PRKCA: variants seen among roughly 807,000 people sequenced by gnomAD.
PRKCA encodes the protein protein kinase C alpha type.
In PRKCA, 27 loss-of-function variants were observed where a neutral mutation model predicts 87.0. The observed-to-expected ratio is 0.31, with a 90% CI of 0.23 to 0.43. PRKCA has a LOEUF of 0.43. Ranked by LOEUF, PRKCA falls within the 20% of genes least tolerant of loss-of-function variation. The probability of loss-of-function intolerance (pLI) is 1.00; values close to 1 mark genes in which losing one functional copy is unlikely to be tolerated. For missense variants in PRKCA, 518 were observed against 852.3 expected, an observed-to-expected ratio of 0.61 and a Z score of 4.88; for synonymous variants, 329 against 311.1, an observed-to-expected ratio of 1.06 and a Z score of -0.61.
At position 66,724,005 on chromosome 17, in the gene PRKCA, G is replaced by A. The variant is rs1436173993; in HGVS notation, c.919-8683G>A. On this transcript the variant is annotated intron_variant, in intron 8 of 16. Transcript: ENST00000413366. ...GAATTTGACAGGGATGTTGGAACTT[G>A]GAGAAATGTCCCAACTGTCTTAGAT... Among the ~76,000 whole-genome samples, 5 of 152,292 alleles carry A rather than the reference G, an allele frequency of 3.3e-5. No homozygotes were observed. The East Asian group carries it at 9.7e-4, about 29-fold the overall frequency.
intron 5 of PRKCA, among the ~76,000 whole-genome samples, chr17:66,674,894 C>T (rs567303282): frequency 6.6e-6 from 1 of 152,324 alleles, no homozygotes; most frequent in South Asian, 2.1e-4. Flanking sequence ...AAATCAGTTA[C>T]CTCCTTATGC....
intron 3 of PRKCA, among the ~76,000 whole-genome samples, chr17:66,549,134 T>C (rs1355153034): frequency 6.8e-6 from 1 of 147,382 alleles, no homozygotes; most frequent in East Asian, 2.0e-4. Flanking sequence ...CTACCAAGTT[T>C]ATGGCAGTTT....
chr17:66,638,856 A>C (rs996034053), intron 3 of PRKCA, among the ~76,000 whole-genome samples: 2 of 152,092 alleles, frequency 1.3e-5, no homozygotes, highest in Non-Finnish European at 2.9e-5. Context: ...AAAAAAAAAA[A>C]GTCATAACAA....
chr17:66,793,309 G>A (rs1002039669), intron 16 of PRKCA, among the ~76,000 whole-genome samples: 6 of 152,112 alleles, frequency 3.9e-5, no homozygotes, highest in African/African-American at 1.4e-4. Flanking sequence ...AGGCCTGTAG[G>A]CCAGGCGTGG....
intron 8 of PRKCA, among the ~76,000 whole-genome samples, chr17:66,692,951 G>A (rs924285611): frequency 1.3e-5 from 2 of 152,112 alleles, no homozygotes; most frequent in South Asian, 4.1e-4. Flanking sequence ...ATCCTTCCAT[G>A]TCCAGCCCTG....
At chr17:66,636,938 C>G (rs1971164556) in intron 3 of PRKCA, among the ~76,000 whole-genome samples, 1 of 152,160 alleles carries the variant, frequency 6.6e-6, no homozygotes, top group Non-Finnish European at 1.5e-5. Context: ...TGCACAATTG[C>G]TGATCAACAA....
At position 66,808,259 on chromosome 17, in the gene PRKCA, A is replaced by C. The variant is rs1434453838; in HGVS notation, c.*4222A>C. The C allele has an allele frequency of 6.6e-6, 1 of 150,838 alleles. No individual in the cohort carries two copies. The highest frequency in any genetic ancestry group is 2.5e-5 in the African/African-American group (1 of 40,746). 9.3% of individuals were successfully genotyped at this position (150,838 alleles called of 1,614,324 possible). On this transcript the variant is annotated 3_prime_UTR_variant, in exon 17 of 17. Transcript: ENST00000413366. ...CCGCACAACTAACAACTAACACCGC[A>C]GTTCCCACCTGGGTTCCACTTAGCA...
At chr17:66,653,029 C>T (rs920448272) in intron 5 of PRKCA, among the ~76,000 whole-genome samples, 3 of 151,314 alleles carry the variant, frequency 2.0e-5, no homozygotes, top group East Asian at 1.9e-4. Flanking sequence ...CCCTGGCCCC[C>T]GTTAAACAGG....
intron 2 of PRKCA, among the ~76,000 whole-genome samples, chr17:66,314,907 A>T (rs887814149): frequency 6.8e-6 from 1 of 146,686 alleles, no homozygotes; most frequent in East Asian, 2.0e-4. Flanking sequence ...GTGTGTATGT[A>T]TGTATGTGTA....
chr17:66,491,518 G>A (rs963632249), intron 2 of PRKCA, among the ~76,000 whole-genome samples: 8 of 152,186 alleles, frequency 5.3e-5, no homozygotes. Context: ...GATGTTTGTT[G>A]AAGGTTTGCT....
intron 3 of PRKCA, among the ~76,000 whole-genome samples, chr17:66,565,495 T>C (rs866132851): frequency 6.6e-6 from 1 of 152,206 alleles, no homozygotes; most frequent in African/African-American, 2.4e-5. Flanking sequence ...AAAATATGAA[T>C]CGTAGCTCCA....
Position 66,804,138 on chromosome 17 carries a change from G to A in PRKCA, c.*101G>A, listed in dbSNP as rs1975971038. The A allele has an allele frequency of 2.1e-6, 3 of 1,463,200 alleles. No individual in the cohort carries two copies. The highest frequency in any genetic ancestry group is 1.4e-5 in the African/African-American group (1 of 71,234). 90.6% of individuals were successfully genotyped at this position (1,463,200 alleles called of 1,614,324 possible). On this transcript the variant is annotated 3_prime_UTR_variant, in exon 17 of 17. Transcript: ENST00000413366. ...ATTTTAAGGCCACGGCCTTGTGTCT[G>A]ATTCCATATGGAGGCCTGAAAATTG...
intron 2 of PRKCA, among the ~76,000 whole-genome samples, chr17:66,348,826 G>A (rs1295145146): frequency 1.3e-5 from 2 of 152,176 alleles, no homozygotes; most frequent in Admixed American, 6.5e-5. Flanking sequence ...TCATCCACAT[G>A]TGGATAATGG....
intron 3 of PRKCA, among the ~76,000 whole-genome samples, chr17:66,513,457 A>G (rs1385958893): frequency 6.6e-6 from 1 of 152,222 alleles, no homozygotes; most frequent in African/African-American, 2.4e-5. Flanking sequence ...CATACAGTCA[A>G]TCTTATTTAA....
intron 2 of PRKCA, among the ~76,000 whole-genome samples, chr17:66,337,283 T>C (rs1432971939): frequency 1.3e-5 from 2 of 152,188 alleles, no homozygotes; most frequent in Non-Finnish European, 2.9e-5. Flanking sequence ...GGTGATCCGC[T>C]AAGGACAGTG....
At chr17:66,800,854 A>G (rs1383969443) in intron 16 of PRKCA, among the ~76,000 whole-genome samples, 1 of 152,208 alleles carries the variant, frequency 6.6e-6, no homozygotes, top group Non-Finnish European at 1.5e-5. Context: ...TTAGGGACTC[A>G]GTCCTTTTAT....
intron 3 of PRKCA, among the ~76,000 whole-genome samples, chr17:66,531,410 G>A (rs1250708740): frequency 6.6e-6 from 1 of 152,180 alleles, no homozygotes; most frequent in Non-Finnish European, 1.5e-5. Context: ...CATCTCCGGG[G>A]TGGGAGCCGG....
At chr17:66,479,751 G>C (rs1915694541) in intron 2 of PRKCA, among the ~76,000 whole-genome samples, 1 of 152,084 alleles carries the variant, frequency 6.6e-6, no homozygotes, top group Non-Finnish European at 1.5e-5. Flanking sequence ...AACTAACACA[G>C]GAACAGAAAA....
chr17:66,670,325 CAT>C (rs1184233627), intron 5 of PRKCA, among the ~76,000 whole-genome samples: 2 of 152,156 alleles, frequency 1.3e-5, no homozygotes, highest in Non-Finnish European at 2.9e-5. Flanking sequence ...AACTGTAACT[CAT>C]ATAAAAATTA....
Sources: gnomAD v4.1 joint callset for allele counts (sites outside exome capture counted in the v4.1 genomes callset) on GRCh38, gnomAD v4.1.1 for gene constraint, MANE v1.5 for transcripts, NCBI Gene and HGNC (gene_info 2026-07-23, HGNC 2026-07-21) for gene names.